Variants in PRRX2 observed in about 807,000 individuals in gnomAD.
PRRX2 encodes paired related homeobox 2.
PRRX2 carries 11 observed loss-of-function variants against 18.0 expected under a neutral mutation model. That is an observed-to-expected ratio of 0.61 (90% CI 0.39 to 1.01). The LOEUF (loss-of-function observed/expected upper bound fraction) is 1.01, where lower values mean the gene tolerates loss of function less well. PRRX2 is among the 50% of genes least tolerant of loss of function. The pLI is 0.01. For missense variants in PRRX2, 387 were observed against 351.0 expected (o/e 1.10, Z -0.82); for synonymous variants, 177 against 154.8 (o/e 1.14, Z -1.06).
At chr9:129,681,426 A>G (rs1412194190) in intron 1 of PRRX2, among the ~76,000 whole-genome samples, 1 of 152,188 alleles carries the variant, frequency 6.6e-6, no homozygotes, top group Non-Finnish European at 1.5e-5. Context: ...AGGCTGAGGC[A>G]GGAGAATTGC....
intron 1 of PRRX2, among the ~76,000 whole-genome samples, chr9:129,710,489 T>C (rs1832605644): frequency 6.6e-6 from 1 of 152,144 alleles, no homozygotes; most frequent in East Asian, 1.9e-4. Context: ...ATCCCAGCAC[T>C]TTGGGAGGCT....
In PRRX2 at chr9:129,695,567, G is replaced by C. The variant is rs1393722041; in HGVS notation, c.260-23664G>C. On this transcript the variant is annotated intron_variant, in intron 1 of 3. Transcript: ENST00000372469. This position sits in a 1 kb window ranked among gnomAD's most constrained non-coding sequence, Gnocchi z 4.8. ...TCAGTCTTAGCCTGGCACAGAGCTG[G>C]GAGCCGGGCCGGGAGCCCCCAGCTG... Among the ~76,000 whole-genome samples, 1 of 152,146 alleles carries C rather than the reference G, an allele frequency of 6.6e-6. No homozygotes were observed. The highest frequency in any genetic ancestry group is 2.4e-5 in the African/African-American group (1 of 41,430).
chr9:129,702,558 T>G (rs1832510958), intron 1 of PRRX2, among the ~76,000 whole-genome samples: 2 of 152,260 alleles, frequency 1.3e-5, no homozygotes, highest in African/African-American at 4.8e-5. Context: ...TTCATTTTAA[T>G]CAGTGAGAAT....
At chr9:129,701,770 T>C (rs1184723612) in intron 1 of PRRX2, among the ~76,000 whole-genome samples, 1 of 152,210 alleles carries the variant, frequency 6.6e-6, no homozygotes, top group Non-Finnish European at 1.5e-5. Flanking sequence ...ACAGATATGC[T>C]GTTGTCGTGG....
At chr9:129,687,081 A>G (rs1373870960) in intron 1 of PRRX2, among the ~76,000 whole-genome samples, 1 of 152,062 alleles carries the variant, frequency 6.6e-6, no homozygotes, top group African/African-American at 2.4e-5. Context: ...CTGCTTCTTC[A>G]GGTGCCCTCC....
chr9:129,703,152 T>C (rs1226234000), intron 1 of PRRX2, among the ~76,000 whole-genome samples: 1 of 152,236 alleles, frequency 6.6e-6, no homozygotes, highest in Non-Finnish European at 1.5e-5. Context: ...GGTGAGGCTG[T>C]CCTGGGTGGG....
chr9:129,698,879 G>T (rs1832462036), intron 1 of PRRX2, among the ~76,000 whole-genome samples: 1 of 152,226 alleles, frequency 6.6e-6, no homozygotes, highest in Non-Finnish European at 1.5e-5. Flanking sequence ...TCTTCCTGGT[G>T]TCTGGAGGCT....
chr9:129,721,413 G>A (rs978011572), intron 3 of PRRX2, among the ~76,000 whole-genome samples: 4 of 152,092 alleles, frequency 2.6e-5, no homozygotes, highest in Non-Finnish European at 4.4e-5. Context: ...CTCCAGAGGC[G>A]CCGTCTGCTC....
intron 1 of PRRX2, among the ~76,000 whole-genome samples, chr9:129,684,481 A>ATC (rs1371165415): frequency 1.1e-3 from 79 of 75,084 alleles, no homozygotes; most frequent in African/African-American, 4.0e-3. Flanking sequence ...GATACCAGAA[A>ATC]TCACACACAC....
intron 1 of PRRX2, among the ~76,000 whole-genome samples, chr9:129,692,047 G>A (rs986983640): frequency 2.0e-5 from 3 of 150,532 alleles, no homozygotes; most frequent in African/African-American, 7.4e-5. Flanking sequence ...GGGTTCAAGC[G>A]ATTCTCCCAC....
Position 129,722,448 on chromosome 9 carries a change from T to A in PRRX2, c.*96T>A. 1 of 1,442,082 alleles carries A rather than the reference T, an allele frequency of 6.9e-7. No individual in the cohort carries two copies. The highest frequency in any genetic ancestry group is 9.3e-7 in the Non-Finnish European group (1 of 1,077,722). The allele number at this position is 1,442,082 out of a possible 1,614,324, so 89.3% of individuals were successfully genotyped here. A position where few individuals can be genotyped will look rare whatever the true frequency, so the allele number is the denominator to read the frequency against. On this transcript the variant is annotated 3_prime_UTR_variant, in exon 4 of 4. Transcript: ENST00000372469. Reference sequence around the variant, plus strand: ...AAGTGACCTTCTCCTGGATGAGCTCTCCTGGCCCGTCTGTCCAGCCTGGAC... The same window carrying A: ...AAGTGACCTTCTCCTGGATGAGCTCACCTGGCCCGTCTGTCCAGCCTGGAC...
At chr9:129,684,285 C>T (rs1385881790) in intron 1 of PRRX2, among the ~76,000 whole-genome samples, 5 of 152,062 alleles carry the variant, frequency 3.3e-5, no homozygotes, top group African/African-American at 1.2e-4. Flanking sequence ...ATTTATTAGC[C>T]TAATTTAGAA....
At chr9:129,670,696 G>A (rs1007704453) in intron 1 of PRRX2, among the ~76,000 whole-genome samples, 1 of 152,138 alleles carries the variant, frequency 6.6e-6, no homozygotes, top group South Asian at 2.1e-4. Context: ...TGTGTTAAGG[G>A]TCCATAATAC....
Position 129,671,873 on chromosome 9 carries a change from G to T in PRRX2, c.259+5747G>T, listed in dbSNP as rs1233136309. 2.0e-5 allele frequency among the ~76,000 whole-genome samples: 3 copies of T among 151,122 alleles called. No homozygotes were observed. Among genetic ancestry groups the T allele is most frequent in the Non-Finnish European group, 4.4e-5 (3 of 67,756 alleles). ...CCTGCACAGTCCTTGGGCTGGAGGA[G>T]TCAGGGAAGGGGAGCTCTCCTGGCT... On this transcript the variant is annotated intron_variant, in intron 1 of 3. Coordinates refer to ENST00000372469, the MANE Select transcript of PRRX2 (RefSeq NM_016307.4). This position sits in a 1 kb window ranked among gnomAD's most constrained non-coding sequence, Gnocchi z 4.0.
intron 1 of PRRX2, among the ~76,000 whole-genome samples, chr9:129,684,532 A>ACACACACACACACCC (rs1165343797): frequency 6.4e-5 from 9 of 140,282 alleles, no homozygotes; most frequent in Admixed American, 2.8e-4. Flanking sequence ...ACCCACACAC[A>ACACACACACACACCC]CCCCAACAGA....
At chr9:129,714,956 A>G (rs1564155352) in intron 1 of PRRX2, among the ~76,000 whole-genome samples, 2 of 152,108 alleles carry the variant, frequency 1.3e-5, no homozygotes, top group African/African-American at 4.8e-5. Flanking sequence ...TTTTCAGCGC[A>G]AGGGCTCTTG....
Position 129,721,583 on chromosome 9 carries a change from T to C in PRRX2, c.627-634T>C, listed in dbSNP as rs369267976. On this transcript the variant is annotated intron_variant, in intron 3 of 3. Coordinates refer to ENST00000372469, the MANE Select transcript of PRRX2 (RefSeq NM_016307.4). ...AAACCAAGGGGCATCCTTATTTATT[T>C]ATGTATTTATTTTTGAGACAGAGTC... is the stretch of plus-strand genomic sequence containing the variant. Among the ~76,000 whole-genome samples, 3 of 151,398 alleles carry C rather than the reference T, an allele frequency of 2.0e-5. No homozygotes were observed. In the East Asian group the frequency reaches 5.9e-4, roughly 30 times the overall value.
chr9:129,716,833 G>A (rs1448100837), intron 1 of PRRX2, among the ~76,000 whole-genome samples: 1 of 152,082 alleles, frequency 6.6e-6, no homozygotes, highest in African/African-American at 2.4e-5. Flanking sequence ...AATGCTGGAG[G>A]GATAAAGGAA....
chr9:129,693,110 C>T (rs1398588333), intron 1 of PRRX2, among the ~76,000 whole-genome samples: 1 of 152,128 alleles, frequency 6.6e-6, no homozygotes, highest in Non-Finnish European at 1.5e-5. Flanking sequence ...GTGGTGGTAT[C>T]TCACTGTAGT....
Sources: allele counts gnomAD v4.1 joint callset (sites outside exome capture counted in the v4.1 genomes callset), GRCh38; gene constraint gnomAD v4.1.1; non-coding constraint Gnocchi (gnomAD v3.1); transcripts MANE v1.5; gene names NCBI Gene and HGNC (gene_info 2026-07-23, HGNC 2026-07-21).